GREB1: variants seen among roughly 807,000 people sequenced by gnomAD.
The protein encoded by GREB1 is protein GREB1.
A neutral mutation model predicts 200.7 loss-of-function variants in GREB1; 106 were observed. The ratio of observed to expected loss-of-function variants is 0.53; its 90% CI spans 0.45 to 0.62. The LOEUF is 0.62. Ranked by LOEUF, GREB1 falls within the 20% of genes least tolerant of loss-of-function variation. The pLI, the probability that GREB1 is intolerant of heterozygous loss-of-function variation, is 0.00. For synonymous variants in GREB1, 1,132 were observed against 1,092.4 expected (o/e 1.04, Z -0.72); for missense variants, 2,243 against 2,556.8 (o/e 0.88, Z 2.65).
chr2:11,633,149 C>G lies in GREB1; in HGVS notation c.4991+86C>G. 1 of 1,340,128 alleles carries G rather than the reference C, an allele frequency of 7.5e-7. No homozygotes were observed. The highest frequency in any genetic ancestry group is 1.1e-6 in the Non-Finnish European group (1 of 944,632). The allele number at this position is 1,340,128 out of a possible 1,614,324, so 83.0% of individuals were successfully genotyped here. Reference sequence around the variant, plus strand: ...CCTCTTTGTATGGGGAATGTGCCCACCCCTGGAAGACCGGAGGGCCTCTCA... The same window carrying G: ...CCTCTTTGTATGGGGAATGTGCCCAGCCCTGGAAGACCGGAGGGCCTCTCA... On this transcript the variant is annotated intron_variant, in intron 28 of 32. Coordinates refer to ENST00000381486, the MANE Select transcript of GREB1 (RefSeq NM_014668.4). The surrounding 1 kb of genome is among the most constrained non-coding windows in gnomAD (Gnocchi z 4.1).
chr2:11,529,624 A>G (rs573294612), upstream of GREB1, among the ~76,000 whole-genome samples: 36 of 152,352 alleles, frequency 2.4e-4, 1 homozygote, highest in African/African-American at 8.2e-4. Flanking sequence ...GACAAATAGT[A>G]ATGTTGATTG....
At chr2:11,544,187 C>G (rs115162752) in intron 1 of GREB1, among the ~76,000 whole-genome samples, 1,900 of 152,146 alleles carry the variant, frequency 0.012, 21 homozygotes, top group East Asian at 0.04. Context: ...GATGCTTAAC[C>G]CCTCTAGTCT....
intron 1 of GREB1, among the ~76,000 whole-genome samples, chr2:11,550,265 T>TAGTC (rs1340499326): frequency 6.6e-6 from 1 of 152,174 alleles, no homozygotes; most frequent in African/African-American, 2.4e-5. Context: ...GCTGGTTGAC[T>TAGTC]GCTGGGCCTC....
At position 11,597,747 on chromosome 2, in the gene GREB1, G is replaced by T. The variant is rs763683906; in HGVS notation, c.1955-34G>T. 3.1e-6 allele frequency: 5 copies of T among 1,600,008 alleles called. No individual in the cohort carries two copies. In the East Asian group the frequency reaches 1.1e-4, roughly 36 times the overall value. On this transcript the variant is annotated intron_variant, in intron 13 of 32. Coordinates refer to ENST00000381486, the MANE Select transcript of GREB1 (RefSeq NM_014668.4). The surrounding 1 kb of genome is among the most constrained non-coding windows in gnomAD (Gnocchi z 4.1). Reference sequence around the variant, plus strand: ...GGCCTGGCAGTAGCCGTGTGCCCTGGAGCTCACCTGGCATCCTGGGGCTCT... The same window carrying T: ...GGCCTGGCAGTAGCCGTGTGCCCTGTAGCTCACCTGGCATCCTGGGGCTCT...
At chr2:11,543,148 G>T (rs1199611485) in intron 1 of GREB1, among the ~76,000 whole-genome samples, 1 of 152,174 alleles carries the variant, frequency 6.6e-6, no homozygotes, top group African/African-American at 2.4e-5. Flanking sequence ...TTCAAGTTTA[G>T]TTGGGAAGCT....
intron 1 of GREB1, among the ~76,000 whole-genome samples, chr2:11,540,846 C>T (rs561160001): frequency 6.6e-6 from 1 of 152,316 alleles, no homozygotes; most frequent in Non-Finnish European, 1.5e-5. Flanking sequence ...TGACTATTGC[C>T]ACATTACTGG....
intron 22 of GREB1, among the ~76,000 whole-genome samples, chr2:11,619,644 G>A (rs531237370): frequency 5.9e-5 from 9 of 152,186 alleles, no homozygotes; most frequent in South Asian, 4.1e-4. Flanking sequence ...AATACCTTAC[G>A]GTTTTACTAG....
At chr2:11,510,834 G>A (rs958078257) in intron 1 of GREB1, among the ~76,000 whole-genome samples, 15 of 151,982 alleles carry the variant, frequency 9.9e-5, no homozygotes, top group South Asian at 2.1e-4. Flanking sequence ...CATCACACCC[G>A]GCTATTTTTT....
intron 26 of GREB1, 44 bp downstream of exon 26, chr2:11,630,153 A>G: frequency 6.3e-7 from 1 of 1,593,816 alleles, no homozygotes; most frequent in Non-Finnish European, 8.6e-7. Flanking sequence ...AGTGGCTTCA[A>G]CTGGGGACTG....
At chr2:11,501,150 G>A (rs992918915) in intron 1 of GREB1, among the ~76,000 whole-genome samples, 1 of 152,126 alleles carries the variant, frequency 6.6e-6, no homozygotes, top group Non-Finnish European at 1.5e-5. Context: ...TGCAGCTTCG[G>A]CCAGTGAACA....
chr2:11,489,965 G>C (rs1210768870), intron 1 of GREB1, among the ~76,000 whole-genome samples: 2 of 111,182 alleles, frequency 1.8e-5, no homozygotes, highest in African/African-American at 2.9e-5. Flanking sequence ...TATATTACTA[G>C]ATATATAACA....
At chr2:11,533,907 C>T (rs1278610536), upstream of GREB1, among the ~76,000 whole-genome samples, 3 of 152,078 alleles carry the variant, frequency 2.0e-5, no homozygotes, top group Non-Finnish European at 4.4e-5. Context: ...ATTATTGCAC[C>T]ATGCAAGATT....
At chr2:11,616,750 C>T (rs1231954374) in intron 21 of GREB1, 30 bp downstream of exon 21, 2 of 1,327,574 alleles carry the variant, frequency 1.5e-6, no homozygotes, top group East Asian at 4.6e-5. Flanking sequence ...AAGGACCAGA[C>T]CAGCAGACTG....
rs1209448130 is a variant in GREB1, at chr2:11,597,666, C to A, written c.1955-115C>A. 1.7e-5 allele frequency: 15 copies of A among 869,026 alleles called. No homozygotes were observed. The highest frequency in any genetic ancestry group is 2.5e-5 in the Non-Finnish European group (13 of 522,274). 53.8% of individuals were successfully genotyped at this position (869,026 alleles called of 1,614,324 possible). A position where few individuals can be genotyped will look rare whatever the true frequency, so the allele number is the denominator to read the frequency against. On this transcript the variant is annotated intron_variant, in intron 13 of 32. Transcript: ENST00000381486. This position sits in a 1 kb window ranked among gnomAD's most constrained non-coding sequence, Gnocchi z 4.1. ...CGTGAGTTATTCCCCTTTCCCTCAT[C>A]GCTTTGTGAATGGGGCCGTCTCCCC...
At position 11,607,565 on chromosome 2, in the gene GREB1, C is replaced by T. The variant is rs1052536292; in HGVS notation, c.2667-3123C>T. Among the ~76,000 whole-genome samples, 28 of 60,080 alleles carry T rather than the reference C, an allele frequency of 4.7e-4. 2 individuals carry two copies. The South Asian group carries it at 7.0e-3, about 15-fold the overall frequency. The allele number at this position is 60,080 out of a possible 152,430, so 39.4% of individuals were successfully genotyped here. A position where few individuals can be genotyped will look rare whatever the true frequency, so the allele number is the denominator to read the frequency against. On this transcript the variant is annotated intron_variant, in intron 17 of 32. Coordinates refer to ENST00000381486, the MANE Select transcript of GREB1 (RefSeq NM_014668.4). ...ACATATATGTACATACATATATATA[C>T]GCATATATACACATATATACATATA...
chr2:11,484,581 C>A (rs2148391124), intron 1 of GREB1, among the ~76,000 whole-genome samples: 2 of 45,806 alleles, frequency 4.4e-5, no homozygotes, highest in Admixed American at 2.6e-4. Flanking sequence ...AGACTCTCAT[C>A]TCTTAAAAAA....
intron 2 of GREB1, among the ~76,000 whole-genome samples, chr2:11,562,107 T>G (rs937826948): frequency 3.3e-5 from 5 of 152,222 alleles, no homozygotes; most frequent in Non-Finnish European, 7.3e-5. Context: ...AAACCTCTAG[T>G]GTACGCGCAG....
intron 21 of GREB1, among the ~76,000 whole-genome samples, chr2:11,617,305 G>C (rs1480939507): frequency 6.6e-6 from 1 of 152,210 alleles, no homozygotes; most frequent in African/African-American, 2.4e-5. Context: ...GAGAAACAGA[G>C]GCCCCGGGCA....
At chr2:11,612,757 G>C in intron 19 of GREB1, 147 bp downstream of exon 19, 2 of 587,776 alleles carry the variant, frequency 3.4e-6, no homozygotes, top group South Asian at 4.0e-5. Flanking sequence ...CTTCATCGTG[G>C]CTTTCCCAGC....
Sources: gnomAD v4.1 joint callset for allele counts (sites outside exome capture counted in the v4.1 genomes callset) on GRCh38, gnomAD v4.1.1 for gene constraint, Gnocchi (gnomAD v3.1) non-coding constraint, MANE v1.5 for transcripts, NCBI Gene and HGNC (gene_info 2026-07-23, HGNC 2026-07-21) for gene names.